Variants in ANKS1B observed in about 807,000 individuals in gnomAD.
ANKS1B encodes ankyrin repeat and sterile alpha motif domain-containing protein 1B.
Under a neutral mutation model 148.3 loss-of-function variants are expected in ANKS1B, and 36 were observed. That is an observed-to-expected ratio of 0.24 (90% CI 0.19 to 0.32). ANKS1B has a LOEUF of 0.32. Among genes scored for constraint, ANKS1B ranks in the 10% least tolerant of loss-of-function variants. ANKS1B has a pLI of 1.00. For synonymous variants in ANKS1B, 542 were observed against 560.8 expected, an observed-to-expected ratio of 0.97 and a Z score of 0.47; for missense variants, 1,157 against 1,542.6, an observed-to-expected ratio of 0.75 and a Z score of 4.19.
At chr12:99,277,816 G>A (rs1020266270) in intron 12 of ANKS1B, among the ~76,000 whole-genome samples, 8 of 152,168 alleles carry the variant, frequency 5.3e-5, no homozygotes, top group African/African-American at 1.9e-4. Flanking sequence ...TTATGGGGTG[G>A]AACAGACCAG....
chr12:99,950,902 C>T (rs951703126), intron 1 of ANKS1B, among the ~76,000 whole-genome samples: 2 of 152,250 alleles, frequency 1.3e-5, no homozygotes, highest in Non-Finnish European at 2.9e-5. Context: ...GGAAGCTCAT[C>T]CTCCAGAAGC....
At chr12:99,066,657 T>C (rs764425309) in intron 16 of ANKS1B, among the ~76,000 whole-genome samples, 1 of 152,174 alleles carries the variant, frequency 6.6e-6, no homozygotes, top group African/African-American at 2.4e-5. Context: ...GTAAAGCTAA[T>C]AGGTCTTTTC....
chr12:99,763,717 GGATT>G (rs1054868057), intron 8 of ANKS1B, among the ~76,000 whole-genome samples: 2 of 149,796 alleles, frequency 1.3e-5, no homozygotes, highest in African/African-American at 4.9e-5. Flanking sequence ...AGAATAACAA[GGATT>G]AATTCAAAAA....
chr12:98,759,932 G>T (rs1566123429), intron 25 of ANKS1B, among the ~76,000 whole-genome samples: 1 of 152,070 alleles, frequency 6.6e-6, no homozygotes, highest in Non-Finnish European at 1.5e-5. Context: ...ATGAGCCGAG[G>T]TCGCACCACT....
At chr12:99,848,888 T>G (rs939401945) in intron 1 of ANKS1B, among the ~76,000 whole-genome samples, 1 of 152,154 alleles carries the variant, frequency 6.6e-6, no homozygotes, top group Non-Finnish European at 1.5e-5. Flanking sequence ...TCATGTCCTT[T>G]GCAACAATTT....
In ANKS1B at chr12:99,098,757, G is replaced by A. The variant is rs1241336903; in HGVS notation, c.2527-13734C>T. ...CATGTGTGATGGCAGAAAAATTCAG[G>A]GTTCCCCCCCCCACCCCCAGCTCTG... On this transcript the variant is annotated intron_variant, in intron 15 of 26. Coordinates refer to ENST00000683438, the MANE Select transcript of ANKS1B (RefSeq NM_001352186.2). Among the ~76,000 whole-genome samples, 3 of 146,564 alleles carry A rather than the reference G, an allele frequency of 2.0e-5. 1 individual carries two copies. The highest frequency in any genetic ancestry group is 5.1e-5 in the African/African-American group (2 of 39,352).
intron 8 of ANKS1B, among the ~76,000 whole-genome samples, chr12:99,762,009 A>G (rs2062173036): frequency 6.6e-6 from 1 of 152,052 alleles, no homozygotes; most frequent in Admixed American, 6.6e-5. Context: ...GATCTCTACA[A>G]TGAGAACTAC....
At chr12:99,596,712 A>G (rs1205951281) in intron 9 of ANKS1B, among the ~76,000 whole-genome samples, 1 of 152,024 alleles carries the variant, frequency 6.6e-6, no homozygotes, top group Non-Finnish European at 1.5e-5. Flanking sequence ...TCTCATAATT[A>G]AAATGTTTAT....
At chr12:99,506,780 T>C (rs1459820715) in intron 9 of ANKS1B, among the ~76,000 whole-genome samples, 1 of 152,032 alleles carries the variant, frequency 6.6e-6, no homozygotes, top group Non-Finnish European at 1.5e-5. Context: ...ATTGTTTACC[T>C]TTTAAAATAA....
chr12:99,115,927 C>G (rs1039707012), intron 15 of ANKS1B, among the ~76,000 whole-genome samples: 3 of 133,666 alleles, frequency 2.2e-5, no homozygotes, highest in East Asian at 4.2e-4. Flanking sequence ...AGCGAGACTC[C>G]GTCTCAAAAA....
At chr12:99,528,438 A>AAC (rs1555472951) in intron 9 of ANKS1B, among the ~76,000 whole-genome samples, 1 of 98,688 alleles carries the variant, frequency 1.0e-5, no homozygotes, top group African/African-American at 4.5e-5. Context: ...AAAACAAAAA[A>AAC]AAAAACAAAA....
chr12:99,826,958 G>A (rs2083269663), intron 1 of ANKS1B, among the ~76,000 whole-genome samples: 1 of 151,654 alleles, frequency 6.6e-6, no homozygotes, highest in Non-Finnish European at 1.5e-5. Flanking sequence ...TAAAAATAAA[G>A]AATAAAAAAA....
intron 19 of ANKS1B, among the ~76,000 whole-genome samples, chr12:98,812,270 T>C (rs2099102532): frequency 6.6e-6 from 1 of 152,154 alleles, no homozygotes; most frequent in Non-Finnish European, 1.5e-5. Context: ...TAGGTATGTT[T>C]AGATACACAA....
chr12:99,240,081 A>G (rs1488013431), intron 14 of ANKS1B, among the ~76,000 whole-genome samples: 2 of 152,226 alleles, frequency 1.3e-5, no homozygotes, highest in African/African-American at 4.8e-5. Flanking sequence ...CTTAAATGTA[A>G]ATAGGCTAAA....
intron 14 of ANKS1B, among the ~76,000 whole-genome samples, chr12:99,212,327 C>A (rs539364691): frequency 2.7e-5 from 4 of 150,600 alleles, no homozygotes; most frequent in Non-Finnish European, 4.4e-5. Context: ...TAATTTTTTT[C>A]GTACTTTTCC....
chr12:99,104,683 TC>T (rs1354720922), intron 15 of ANKS1B: 1 of 152,190 alleles, frequency 6.6e-6, no homozygotes, highest in Non-Finnish European at 1.5e-5. Flanking sequence ...AGGTTGTACA[TC>T]CTCTTACTCC....
intron 17 of ANKS1B, among the ~76,000 whole-genome samples, chr12:98,984,106 T>C (rs1299145742): frequency 1.3e-5 from 2 of 152,160 alleles, no homozygotes; most frequent in African/African-American, 2.4e-5. Context: ...TGCTGACAAG[T>C]CTTTTGAGAT....
intron 1 of ANKS1B, among the ~76,000 whole-genome samples, chr12:99,966,572 C>T (rs2095487272): frequency 6.6e-6 from 1 of 151,970 alleles, no homozygotes; most frequent in South Asian, 2.1e-4. Flanking sequence ...TTTTTATGCC[C>T]TAGTAAAATT....
chr12:99,557,370 T>C (rs917674239), intron 9 of ANKS1B, among the ~76,000 whole-genome samples: 1 of 152,228 alleles, frequency 6.6e-6, no homozygotes, highest in Non-Finnish European at 1.5e-5. Context: ...AATTCTTTTT[T>C]CTTTATTTTT....
Sources: allele counts gnomAD v4.1 joint callset (sites outside exome capture counted in the v4.1 genomes callset), GRCh38; gene constraint gnomAD v4.1.1; transcripts MANE v1.5; gene names NCBI Gene and HGNC (gene_info 2026-07-23, HGNC 2026-07-21).